NUP107: variants seen among roughly 807,000 people sequenced by gnomAD.
NUP107 encodes nucleoporin 107.
A neutral mutation model predicts 141.0 loss-of-function variants in NUP107; 101 were observed. The observed-to-expected ratio is 0.72, with a 90% CI of 0.61 to 0.84. NUP107 has a LOEUF of 0.84. NUP107 is among the 40% of genes least tolerant of loss of function. The probability of loss-of-function intolerance (pLI) is 0.00; values close to 1 mark genes in which losing one functional copy is unlikely to be tolerated. For synonymous variants in NUP107, 319 were observed against 363.9 expected (o/e 0.88, Z 1.41); for missense variants, 941 against 1,102.7 (o/e 0.85, Z 2.08).
chr12:68,700,708 T>G lies in NUP107; in HGVS notation c.553-18T>G. 3.2e-6 allele frequency: 5 copies of G among 1,560,118 alleles called. No homozygotes were observed. Among genetic ancestry groups the G allele is most frequent in the Non-Finnish European group, 4.3e-6 (5 of 1,158,740 alleles). On this transcript the variant is annotated intron_variant, in intron 6 of 27. Transcript: ENST00000229179. ...ATTGTAGAAAATTAACCTCTTTACA[T>G]CTGTGTTTTTTATTCAGGTGAATAT...
intron 8 of NUP107, chr12:68,706,376 A>G (rs1565691203): frequency 5.2e-6 from 7 of 1,346,670 alleles, no homozygotes; most frequent in Admixed American, 1.7e-5. Flanking sequence ...GGTGCTGTCC[A>G]TTGACAACAG....
chr12:68,693,682 G>A (rs530725100), intron 5 of NUP107, among the ~76,000 whole-genome samples: 1 of 152,128 alleles, frequency 6.6e-6, no homozygotes, highest in Non-Finnish European at 1.5e-5. Flanking sequence ...TATGGCAATG[G>A]TATTTGATAC....
At chr12:68,710,684 T>A (rs77324641) in intron 10 of NUP107, among the ~76,000 whole-genome samples, 29,220 of 146,890 alleles carry the variant, frequency 0.2, 3,669 homozygotes, top group South Asian at 0.48. Context: ...AAAGAAATAA[T>A]TGGAATAAAA....
chr12:68,705,800 G>A (rs1311376893), intron 8 of NUP107: 19 of 761,944 alleles, frequency 2.5e-5, no homozygotes, highest in Admixed American at 8.6e-5. Flanking sequence ...GACTTTGGCA[G>A]GGCCAGTGGT....
intron 8 of NUP107, among the ~76,000 whole-genome samples, chr12:68,703,161 G>A (rs554368679): frequency 1.3e-4 from 20 of 151,990 alleles, no homozygotes; most frequent in African/African-American, 4.6e-4. Flanking sequence ...TTTATTTTCA[G>A]CCTTCCATCT....
rs1876597597 is a variant in NUP107, at chr12:68,706,668, A to C, written c.730-2570A>C. On this transcript the variant is annotated intron_variant, in intron 8 of 27. Transcript: ENST00000229179. ...TGAGCAGCATGGGGAGCTGGCAGTT[A>C]AGGATGCCAACACCAAGCTGTCCAA... The C allele has an allele frequency of 1.4e-5, 10 of 727,884 alleles. No individual in the cohort carries two copies. The Admixed American group carries it at 1.6e-4, about 12-fold the overall frequency. 45.1% of individuals were successfully genotyped at this position (727,884 alleles called of 1,614,324 possible). A position where few individuals can be genotyped will look rare whatever the true frequency, so the allele number is the denominator to read the frequency against.
chr12:68,731,299 G>T, intron 21 of NUP107, 39 bp downstream of exon 21: 1 of 1,557,786 alleles, frequency 6.4e-7, no homozygotes, highest in South Asian at 1.2e-5. Flanking sequence ...GGCCTTTCTA[G>T]GCAAATGTTC....
chr12:68,712,637 G>T (rs946245447), intron 10 of NUP107, among the ~76,000 whole-genome samples: 51 of 140,198 alleles, frequency 3.6e-4, no homozygotes, highest in Middle Eastern at 3.6e-3. Context: ...TTTGTTTTTT[G>T]TTTTTTGTTT....
At chr12:68,732,897 G>A in intron 23 of NUP107, 158 bp downstream of exon 23, 1 of 437,388 alleles carries the variant, frequency 2.3e-6, no homozygotes, top group Non-Finnish European at 4.1e-6. Flanking sequence ...TGCCTAGGCG[G>A]GTCTCGAACT....
chr12:68,727,382 A>G lies in NUP107; in HGVS notation c.1727A>G (p.Tyr576Cys). The change falls in exon 20 of 28, where the codon TAC becomes TGC. Residue 576 changes from tyrosine to cysteine, a missense_variant. By Grantham distance (194) the Tyr-to-Cys change is radical. Coordinates refer to ENST00000229179, the MANE Select transcript of NUP107 (RefSeq NM_020401.4). ...GTTTCTATTGAAGTTTTAAAGACATACATACAGGTAAACTTTGAGAACCTA... is the reference window on the plus strand; with the variant it reads ...GTTTCTATTGAAGTTTTAAAGACATGCATACAGGTAAACTTTGAGAACCTA... ...EEVSIEVLKTYIQLLIREKHT... is the reference protein window; with the variant it reads ...EEVSIEVLKTCIQLLIREKHT... 1 of 1,503,438 alleles carries G rather than the reference A, an allele frequency of 6.7e-7. No individual in the cohort carries two copies. Among genetic ancestry groups the G allele is most frequent in the Non-Finnish European group, 9.2e-7 (1 of 1,092,870 alleles). 93.1% of individuals were successfully genotyped at this position (1,503,438 alleles called of 1,614,324 possible).
chr12:68,692,695 G>T (rs1478384020), intron 5 of NUP107, among the ~76,000 whole-genome samples: 2 of 151,422 alleles, frequency 1.3e-5, no homozygotes, highest in African/African-American at 2.4e-5. Context: ...CAATTCTGCA[G>T]CCTCAGCCTC....
intron 14 of NUP107, 35 bp from the exon 15 acceptor site, chr12:68,721,083 A>G (rs1236303876): frequency 7.2e-6 from 10 of 1,390,766 alleles, no homozygotes; most frequent in East Asian, 2.3e-5. Context: ...AAGAAAAACA[A>G]TATTTCAAAT....
chr12:68,721,137 A>G lies in NUP107; in HGVS notation c.1271A>G (p.Glu424Gly). ...TTTTAGGAGCTTTTTAATAGATACG[A>G]GAGAGCAATTTATGCAGCTTTAAGT... ...MAEDELFNRYERAIYAALSGN... is the reference protein window; with the variant it reads ...MAEDELFNRYGRAIYAALSGN... Residue 424 changes from glutamate (E) to glycine (G), a missense_variant, in exon 15 of 28, where the codon GAG becomes GGG. By Grantham distance (98) the Glu-to-Gly change is moderately conservative. Coordinates refer to ENST00000229179, the MANE Select transcript of NUP107 (RefSeq NM_020401.4). 6.2e-7 allele frequency: 1 copy of G among 1,607,568 alleles called. No individual in the cohort carries two copies. The highest frequency in any genetic ancestry group is 1.3e-5 in the African/African-American group (1 of 74,936).
chr12:68,720,740 A>G (rs908056210), intron 14 of NUP107, among the ~76,000 whole-genome samples: 3 of 152,162 alleles, frequency 2.0e-5, no homozygotes, highest in African/African-American at 7.2e-5. Context: ...TGTTGTACAT[A>G]GGTCAGTATC....
Position 68,733,556 on chromosome 12 carries a change from C to T in NUP107, c.2206C>T (p.Leu736Phe), listed in dbSNP as rs142501712. Reference sequence around the variant, plus strand: ...CGAGGAACAAGGAATGGAAAGTCCACTTCCTGCTGAAGATGATAATGCTAT... The same window carrying T: ...CGAGGAACAAGGAATGGAAAGTCCATTTCCTGCTGAAGATGATAATGCTAT... ...QCEEQGMESP[L>F]PAEDDNAIRE... The change falls in exon 24 of 28, where the codon CTT (leucine) becomes TTT (phenylalanine). Residue 736 changes from leucine (L) to phenylalanine (F), a missense_variant. Transcript: ENST00000229179. 4 of 1,613,030 alleles carry T rather than the reference C, an allele frequency of 2.5e-6. No homozygotes were observed. Among genetic ancestry groups the T allele is most frequent in the African/African-American group, 2.7e-5 (2 of 74,918 alleles).
At chr12:68,737,054 T>A (rs1878105669) in intron 26 of NUP107, among the ~76,000 whole-genome samples, 1 of 152,198 alleles carries the variant, frequency 6.6e-6, no homozygotes, top group African/African-American at 2.4e-5. Flanking sequence ...TTGACTCGTT[T>A]TAAACCTTCC....
At chr12:68,702,937 G>A (rs1458666444) in intron 8 of NUP107, among the ~76,000 whole-genome samples, 153 bp downstream of exon 8, 4 of 151,396 alleles carry the variant, frequency 2.6e-5, no homozygotes, top group East Asian at 1.9e-4. Flanking sequence ...TCTGCCTCCC[G>A]GGTTCAAGTG....
Position 68,727,369 on chromosome 12 carries a change from G to A in NUP107, c.1714G>A (p.Val572Ile), listed in dbSNP as rs759717993. The change falls in exon 20 of 28, where the codon GTT (valine) becomes ATT (isoleucine). Residue 572 changes from valine (V) to isoleucine (I), a missense_variant. Coordinates refer to ENST00000229179, the MANE Select transcript of NUP107 (RefSeq NM_020401.4). ...LQTKEEVSIE[V>I]LKTYIQLLIR... is the part of the protein sequence containing the mutation. ...TATGAAGGAGGAAGTTTCTATTGAA[G>A]TTTTAAAGACATACATACAGGTAAA... The A allele has an allele frequency of 6.6e-7, 1 of 1,510,018 alleles. No homozygotes were observed. Among genetic ancestry groups the A allele is most frequent in the East Asian group, 2.3e-5 (1 of 43,916 alleles). 93.5% of individuals were successfully genotyped at this position (1,510,018 alleles called of 1,614,324 possible).
rs1438414646 is a variant in NUP107 at position 68,709,310 on chromosome 12, G to T, written c.801+1G>T. The T allele has an allele frequency of 6.3e-7, 1 of 1,577,690 alleles. No homozygotes were observed. The highest frequency in any genetic ancestry group is 8.6e-7 in the Non-Finnish European group (1 of 1,163,654). On this transcript the variant is annotated splice_donor_variant, in intron 9 of 27. Transcript: ENST00000229179. LOFTEE classifies it high-confidence loss of function. ...GGATTCACTTGTTCGACAAAGTCAG[G>T]TATGACTAGAATTTAAAATTTTTTT...
Sources: gnomAD v4.1 joint callset for allele counts (sites outside exome capture counted in the v4.1 genomes callset) on GRCh38, gnomAD v4.1.1 for gene constraint, MANE v1.5 for transcripts, NCBI Gene and HGNC (gene_info 2026-07-23, HGNC 2026-07-21) for gene names.